Variants in CAMK2D observed in about 807,000 individuals in gnomAD.
CAMK2D encodes the protein calcium/calmodulin-dependent protein kinase type II subunit delta.
CAMK2D carries 37 observed loss-of-function variants against 84.0 expected under a neutral mutation model. The observed-to-expected ratio is 0.44, with a 90% CI of 0.34 to 0.58. The LOEUF (loss-of-function observed/expected upper bound fraction) is 0.58. CAMK2D is among the 20% of genes least tolerant of loss of function. CAMK2D has a pLI of 0.02. For missense variants in CAMK2D, 448 were observed against 652.5 expected (o/e 0.69, Z 3.41); for synonymous variants, 202 against 212.5 (o/e 0.95, Z 0.43).
intron 3 of CAMK2D, among the ~76,000 whole-genome samples, chr4:113,651,934 C>G (rs1395927540): frequency 6.6e-6 from 1 of 152,024 alleles, no homozygotes; most frequent in East Asian, 1.9e-4. Flanking sequence ...TTTCCATAAG[C>G]ATTTGAATAA....
At position 113,670,395 on chromosome 4, in the gene CAMK2D, A is replaced by C. The variant is rs574654456; in HGVS notation, c.161-8623T>G. Among the ~76,000 whole-genome samples, 204 of 152,320 alleles carry C rather than the reference A, an allele frequency of 1.3e-3. 1 individual carries two copies. The highest frequency in any genetic ancestry group is 2.6e-3 in the Non-Finnish European group (177 of 68,026). On this transcript the variant is annotated intron_variant, in intron 2 of 20. Coordinates refer to ENST00000511664, the MANE Select transcript of CAMK2D (RefSeq NM_001321571.2). ...CTTATATAAACCACAAGTTATAAGG[A>C]TATTAGTTGGTGCATGTTAAGAATT...
chr4:113,728,781 AC>A (rs2099553612), intron 2 of CAMK2D, among the ~76,000 whole-genome samples: 1 of 152,152 alleles, frequency 6.6e-6, no homozygotes, highest in South Asian at 2.1e-4. Flanking sequence ...TAATAACAGC[AC>A]ATATGTCACA....
At chr4:113,478,460 C>G (rs1322450495) in intron 16 of CAMK2D, among the ~76,000 whole-genome samples, 3 of 152,164 alleles carry the variant, frequency 2.0e-5, no homozygotes, top group Non-Finnish European at 4.4e-5. Flanking sequence ...TAAGTTCCTT[C>G]TTAGGCTTCT....
At chr4:113,631,246 C>T (rs907565553) in intron 3 of CAMK2D, among the ~76,000 whole-genome samples, 1 of 152,118 alleles carries the variant, frequency 6.6e-6, no homozygotes, top group African/African-American at 2.4e-5. Context: ...AATATGGTGG[C>T]TCATGCTTGT....
chr4:113,693,713 C>T (rs1235184922), intron 2 of CAMK2D, among the ~76,000 whole-genome samples: 2 of 152,104 alleles, frequency 1.3e-5, no homozygotes, highest in East Asian at 3.8e-4. Context: ...ACAGATATGG[C>T]TATCACCAAA....
chr4:113,653,499 C>G (rs2099184718), intron 3 of CAMK2D, among the ~76,000 whole-genome samples: 1 of 151,994 alleles, frequency 6.6e-6, no homozygotes, highest in South Asian at 2.1e-4. Flanking sequence ...ACAAACTACT[C>G]TAATTTTTAG....
intron 4 of CAMK2D, among the ~76,000 whole-genome samples, chr4:113,556,042 G>C (rs769432626): frequency 1.3e-5 from 2 of 152,132 alleles, no homozygotes; most frequent in African/African-American, 4.8e-5. Flanking sequence ...CCAGCCTTCA[G>C]GACTGTGAGA....
At chr4:113,463,868 T>C (rs547332031) in intron 17 of CAMK2D, among the ~76,000 whole-genome samples, 38 of 152,330 alleles carry the variant, frequency 2.5e-4, no homozygotes, top group African/African-American at 8.7e-4. Context: ...TTCACTATTA[T>C]GAATTTTGCT....
rs527449945 is a variant in CAMK2D, at chr4:113,637,758, T to C, written c.220+23955A>G. Among the ~76,000 whole-genome samples the C allele has an allele frequency of 3.9e-4, 59 of 152,292 alleles. No individual in the cohort carries two copies. The South Asian group carries it at 0.012, about 30-fold the overall frequency. On this transcript the variant is annotated intron_variant, in intron 3 of 20. Transcript: ENST00000511664. ...ATCTGAACTTTTTTCCTAGAAACTA[T>C]AAAAGTACACATTTTTTTTTAATCC...
At chr4:113,549,117 T>A (rs1381016632) in intron 5 of CAMK2D, among the ~76,000 whole-genome samples, 1 of 152,184 alleles carries the variant, frequency 6.6e-6, no homozygotes, top group Non-Finnish European at 1.5e-5. Flanking sequence ...CTTATACACA[T>A]CTAAACTGTT....
chr4:113,596,757 TTTG>T (rs2154255819), intron 4 of CAMK2D, among the ~76,000 whole-genome samples: 1 of 152,270 alleles, frequency 6.6e-6, no homozygotes, highest in South Asian at 2.1e-4. Flanking sequence ...TCGTCTCGGC[TTTG>T]TTGTTATATT....
intron 2 of CAMK2D, among the ~76,000 whole-genome samples, chr4:113,690,951 CCT>C (rs1227704558): frequency 2.0e-5 from 3 of 152,020 alleles, no homozygotes; most frequent in African/African-American, 7.3e-5. Context: ...TTATGAATGC[CCT>C]GAGACCCAAA....
intron 3 of CAMK2D, among the ~76,000 whole-genome samples, chr4:113,652,804 T>A (rs2099180426): frequency 6.6e-6 from 1 of 152,212 alleles, no homozygotes; most frequent in African/African-American, 2.4e-5. Context: ...CAGTAAATAT[T>A]ATGCATTGAT....
chr4:113,669,060 C>A (rs2099269192), intron 2 of CAMK2D, among the ~76,000 whole-genome samples: 1 of 151,970 alleles, frequency 6.6e-6, no homozygotes, highest in African/African-American at 2.4e-5. Flanking sequence ...TCTTCCACAA[C>A]AATAATGGCA....
intron 4 of CAMK2D, among the ~76,000 whole-genome samples, chr4:113,576,767 G>A (rs2098784922): frequency 6.6e-6 from 1 of 151,938 alleles, no homozygotes; most frequent in African/African-American, 2.4e-5. Flanking sequence ...AGAATAATTT[G>A]TTAACTACAT....
chr4:113,621,684 T>C (rs952600701), intron 3 of CAMK2D, among the ~76,000 whole-genome samples: 3 of 152,204 alleles, frequency 2.0e-5, no homozygotes, highest in Admixed American at 6.5e-5. Flanking sequence ...TTTTCTTGAA[T>C]GCTATTTGCT....
At chr4:113,549,493 T>C (rs1325651450) in intron 5 of CAMK2D, among the ~76,000 whole-genome samples, 1 of 152,194 alleles carries the variant, frequency 6.6e-6, no homozygotes, top group Non-Finnish European at 1.5e-5. Flanking sequence ...TATATCAAAA[T>C]GCACATTTTA....
At chr4:113,529,614 T>C (rs2154181414) in intron 8 of CAMK2D, among the ~76,000 whole-genome samples, 1 of 152,306 alleles carries the variant, frequency 6.6e-6, no homozygotes, top group Middle Eastern at 3.4e-3. Flanking sequence ...GTATTCAAAA[T>C]ATATGTTGAA....
chr4:113,645,622 T>A (rs2099148725), intron 3 of CAMK2D, among the ~76,000 whole-genome samples: 1 of 152,166 alleles, frequency 6.6e-6, no homozygotes, highest in Non-Finnish European at 1.5e-5. Context: ...AGCAGCTTTT[T>A]GCTTGGAAGG....
Sources: gnomAD v4.1 joint callset for allele counts (sites outside exome capture counted in the v4.1 genomes callset) on GRCh38, gnomAD v4.1.1 for gene constraint, MANE v1.5 for transcripts, NCBI Gene and HGNC (gene_info 2026-07-23, HGNC 2026-07-21) for gene names.